The following TTC29 variants were observed in gnomAD, a reference collection of about 807,000 sequenced individuals.
The protein encoded by TTC29 is tetratricopeptide repeat protein 29.
Under a neutral mutation model 58.1 loss-of-function variants are expected in TTC29, and 49 were observed. The observed-to-expected ratio is 0.84, with a 90% CI of 0.67 to 1.07. The LOEUF (loss-of-function observed/expected upper bound fraction) is 1.07, where lower values mean the gene tolerates loss of function less well. Among genes scored for constraint, TTC29 ranks in the 50% least tolerant of loss-of-function variants. The probability of loss-of-function intolerance (pLI) is 0.00; values close to 1 mark genes in which losing one functional copy is unlikely to be tolerated. For synonymous variants in TTC29, 209 were observed against 196.8 expected, an observed-to-expected ratio of 1.06 and a Z score of -0.52; for missense variants, 582 against 555.6, an observed-to-expected ratio of 1.05 and a Z score of -0.48.
intron 4 of TTC29, among the ~76,000 whole-genome samples, chr4:146,915,511 G>T (rs1734164442): frequency 6.6e-6 from 1 of 151,608 alleles, no homozygotes; most frequent in African/African-American, 2.4e-5. Context: ...CCCACTCAAG[G>T]GTGTAAACTC....
chr4:146,845,365 C>T (rs922840649), intron 8 of TTC29, among the ~76,000 whole-genome samples: 3 of 152,082 alleles, frequency 2.0e-5, no homozygotes, highest in Non-Finnish European at 4.4e-5. Context: ...TAGTGACATC[C>T]TTGTCAGAAA....
intron 11 of TTC29, among the ~76,000 whole-genome samples, chr4:146,744,205 GT>G (rs1171424870): frequency 1.3e-5 from 2 of 152,164 alleles, no homozygotes; most frequent in African/African-American, 4.8e-5. Flanking sequence ...GTGGAAATGT[GT>G]GCTTAGGATG....
chr4:146,840,814 A>T (rs1728807558), intron 8 of TTC29, among the ~76,000 whole-genome samples: 1 of 152,164 alleles, frequency 6.6e-6, no homozygotes, highest in Non-Finnish European at 1.5e-5. Context: ...TCTGTATTTT[A>T]AAGGAATAAT....
intron 8 of TTC29, among the ~76,000 whole-genome samples, chr4:146,866,781 C>G (rs1311778592): frequency 6.6e-6 from 1 of 151,924 alleles, no homozygotes; most frequent in East Asian, 1.9e-4. Context: ...CAAAGAAGAT[C>G]CCAAAAGCTA....
At chr4:146,714,671 A>T (rs1240538944) in intron 11 of TTC29, among the ~76,000 whole-genome samples, 4 of 152,160 alleles carry the variant, frequency 2.6e-5, no homozygotes, top group African/African-American at 9.6e-5. Context: ...GAAGGCAAAA[A>T]TAAAGGCTTT....
chr4:146,916,661 TG>T (rs1223886250), intron 4 of TTC29, among the ~76,000 whole-genome samples: 3 of 151,578 alleles, frequency 2.0e-5, no homozygotes, highest in Non-Finnish European at 4.4e-5. Flanking sequence ...GACTGGTCTC[TG>T]GGGGCATCTA....
intron 11 of TTC29, among the ~76,000 whole-genome samples, chr4:146,724,793 C>A (rs1743651807): frequency 6.6e-6 from 1 of 152,116 alleles, no homozygotes; most frequent in Non-Finnish European, 1.5e-5. Flanking sequence ...GGATTACACA[C>A]CATCATGCCT....
At chr4:146,778,500 G>A (rs922300977) in intron 11 of TTC29, among the ~76,000 whole-genome samples, 21 of 152,110 alleles carry the variant, frequency 1.4e-4, no homozygotes, top group African/African-American at 3.6e-4. Context: ...GTCAAGGATC[G>A]TTTCATGGGT....
At chr4:146,807,800 T>A (rs1366156331) in intron 10 of TTC29, among the ~76,000 whole-genome samples, 1 of 152,164 alleles carries the variant, frequency 6.6e-6, no homozygotes, top group African/African-American at 2.4e-5. Flanking sequence ...AGCCAAATTC[T>A]ATCAGAGGTA....
chr4:146,909,032 T>A lies in TTC29; in HGVS notation c.394A>T (p.Arg132Trp), dbSNP rs774381943. ...HYLTRAEDAE[R>W]KESFEDVHNN... ...CCACAGTCCCACCACTTACCTTTCC[T>A]CTCAGCGTCCTCAGCCCTGGTCAGG... Residue 132 changes from arginine to tryptophan, a missense_variant, in exon 5 of 13, where the codon AGG becomes TGG. By Grantham distance (101) the Arg-to-Trp change is moderately radical. Coordinates refer to ENST00000325106, the MANE Select transcript of TTC29 (RefSeq NM_031956.4). 6.2e-7 allele frequency: 1 copy of A among 1,613,464 alleles called. No homozygotes were observed. Among genetic ancestry groups the A allele is most frequent in the Non-Finnish European group, 8.5e-7 (1 of 1,179,698 alleles).
intron 8 of TTC29, among the ~76,000 whole-genome samples, chr4:146,855,289 T>C (rs1729768968): frequency 1.3e-5 from 2 of 152,004 alleles, no homozygotes; most frequent in African/African-American, 2.4e-5. Context: ...AAAAATCAGC[T>C]GGGCATGGTG....
At chr4:146,855,910 T>G (rs1442533952) in intron 8 of TTC29, among the ~76,000 whole-genome samples, 1 of 152,220 alleles carries the variant, frequency 6.6e-6, no homozygotes, top group Non-Finnish European at 1.5e-5. Flanking sequence ...CTCTGGGTTC[T>G]TCTAGGTGTA....
chr4:146,817,630 T>C lies in TTC29; in HGVS notation c.1101+2495A>G, dbSNP rs186129286. 6.8e-3 allele frequency among the ~76,000 whole-genome samples: 1,040 copies of C among 152,152 alleles called. 43 individuals are homozygous for C. Among genetic ancestry groups the C allele is most frequent in the Admixed American group, 0.064 (981 of 15,274 alleles). ...AACAGAGCCCGCATCACCAAGTCAATCCTAAGCCAAAAGAACAAAGCTGGA... is the reference window on the plus strand; with the variant it reads ...AACAGAGCCCGCATCACCAAGTCAACCCTAAGCCAAAAGAACAAAGCTGGA... On this transcript the variant is annotated intron_variant, in intron 10 of 12. Transcript: ENST00000325106.
intron 6 of TTC29, among the ~76,000 whole-genome samples, chr4:146,889,193 T>C (rs1019628575): frequency 6.6e-6 from 1 of 152,160 alleles, no homozygotes; most frequent in African/African-American, 2.4e-5. Context: ...CCATGGTTAA[T>C]TAACATTCCC....
intron 11 of TTC29, among the ~76,000 whole-genome samples, chr4:146,781,483 T>C (rs1461852449): frequency 6.6e-6 from 1 of 151,784 alleles, no homozygotes; most frequent in South Asian, 2.1e-4. Flanking sequence ...ATGGGCAAAA[T>C]CACATATAAT....
intron 11 of TTC29, among the ~76,000 whole-genome samples, chr4:146,782,372 A>G (rs1316712180): frequency 1.3e-5 from 2 of 151,768 alleles, no homozygotes; most frequent in Non-Finnish European, 3.0e-5. Flanking sequence ...TTTGAAATCA[A>G]TGGATTATTG....
At position 146,787,685 on chromosome 4, in the gene TTC29, G is replaced by A. The variant is rs79918480; in HGVS notation, c.1330+15772C>T. ...ATTCCTGCAATCTTAAACTTGCAGCGTATTCATTTGTGGGCACTGAGGCAG... is the reference window on the plus strand; with the variant it reads ...ATTCCTGCAATCTTAAACTTGCAGCATATTCATTTGTGGGCACTGAGGCAG... On this transcript the variant is annotated intron_variant, in intron 11 of 12. Transcript: ENST00000325106. 4.6e-3 allele frequency among the ~76,000 whole-genome samples: 704 copies of A among 152,274 alleles called. 9 individuals are homozygous for A. The highest frequency in any genetic ancestry group is 0.016 in the African/African-American group (661 of 41,560).
intron 11 of TTC29, among the ~76,000 whole-genome samples, chr4:146,708,131 G>A (rs969543499): frequency 4.6e-5 from 7 of 151,722 alleles, no homozygotes; most frequent in Admixed American, 1.3e-4. Context: ...TTCAATTAAC[G>A]TCCAGACGAG....
intron 4 of TTC29, among the ~76,000 whole-genome samples, chr4:146,925,536 T>G (rs945535636): frequency 1.3e-5 from 2 of 152,158 alleles, no homozygotes; most frequent in Non-Finnish European, 2.9e-5. Flanking sequence ...GGTAAGAATT[T>G]ATTATCCTTT....
Sources: gnomAD v4.1 joint callset for allele counts (sites outside exome capture counted in the v4.1 genomes callset) on GRCh38, gnomAD v4.1.1 for gene constraint, MANE v1.5 for transcripts, NCBI Gene and HGNC (gene_info 2026-07-23, HGNC 2026-07-21) for gene names.